The following CREBBP variants were observed in gnomAD, a reference collection of about 807,000 sequenced individuals.
CREBBP encodes CREB binding lysine acetyltransferase.
CREBBP carries 19 observed loss-of-function variants against 265.0 expected under a neutral mutation model. The observed-to-expected ratio is 0.07, with a 90% CI of 0.05 to 0.11. The LOEUF (loss-of-function observed/expected upper bound fraction) is 0.11. CREBBP is among the 10% of genes least tolerant of loss of function. CREBBP has a pLI of 1.00. For missense variants in CREBBP, 2,525 were observed against 3,219.0 expected, an observed-to-expected ratio of 0.78 and a Z score of 5.22; for synonymous variants, 1,457 against 1,223.7, an observed-to-expected ratio of 1.19 and a Z score of -3.98.
At chr16:3,775,760 A>C (rs2053123005) in intron 11 of CREBBP, among the ~76,000 whole-genome samples, 1 of 152,216 alleles carries the variant, frequency 6.6e-6, no homozygotes, top group Non-Finnish European at 1.5e-5. Context: ...TAAGTGCATA[A>C]CTAGAAAACA....
At chr16:3,761,247 C>A (rs1228137985) in intron 16 of CREBBP, among the ~76,000 whole-genome samples, 1 of 152,138 alleles carries the variant, frequency 6.6e-6, no homozygotes, top group Non-Finnish European at 1.5e-5. Flanking sequence ...GTGTGAGCCA[C>A]CATGCCCGGC....
chr16:3,758,434 GACAAATATAAAC>G (rs2151384939), intron 17 of CREBBP, among the ~76,000 whole-genome samples: 1 of 152,254 alleles, frequency 6.6e-6, no homozygotes, highest in East Asian at 1.9e-4. Flanking sequence ...GAAATTACAA[GACAAATATAAAC>G]ACAAAGCTAG....
intron 3 of CREBBP, among the ~76,000 whole-genome samples, chr16:3,807,927 G>C (rs1345418279): frequency 6.6e-6 from 1 of 152,144 alleles, no homozygotes; most frequent in African/African-American, 2.4e-5. Context: ...GTGCCCTCCA[G>C]GGTCAGTGGT....
chr16:3,858,596 C>T (rs145624285), intron 1 of CREBBP, among the ~76,000 whole-genome samples: 2 of 152,288 alleles, frequency 1.3e-5, no homozygotes, highest in East Asian at 3.9e-4. Flanking sequence ...ACTCAATAAA[C>T]CCACGTGCTG....
chr16:3,859,781 T>C (rs1329246668), intron 1 of CREBBP, among the ~76,000 whole-genome samples: 2 of 152,056 alleles, frequency 1.3e-5, no homozygotes, highest in Admixed American at 6.6e-5. Context: ...TCCTGAAGAG[T>C]GGCACACCTG....
intron 16 of CREBBP, among the ~76,000 whole-genome samples, chr16:3,761,824 C>G (rs1330519935): frequency 6.6e-6 from 1 of 152,226 alleles, no homozygotes; most frequent in Non-Finnish European, 1.5e-5. Context: ...ACAGACGAAG[C>G]AGCATTTGCT....
rs1319768263 is a variant in CREBBP, at chr16:3,727,642, A to G, written c.*76T>C. The G allele has an allele frequency of 5.0e-6, 8 of 1,612,602 alleles. No homozygotes were observed. Among genetic ancestry groups the G allele is most frequent in the Non-Finnish European group, 5.1e-6 (6 of 1,179,696 alleles). ...AAGTCGCAGTTCCATCTAGGAATAA[A>G]AAGAACCTAGATGCCTGGATTTTCA... is the stretch of plus-strand genomic sequence containing the variant. On this transcript the variant is annotated 3_prime_UTR_variant, in exon 31 of 31. Coordinates refer to ENST00000262367, the MANE Select transcript of CREBBP (RefSeq NM_004380.3).
rs758196964 is a variant in CREBBP, at chr16:3,751,713, G to A, written c.3779+13C>T. ...CTCCCTCACCCCAGAGAAAATGACAGGACGGTACTTACGTCTGGGGCTGTG... is the reference window on the plus strand; with the variant it reads ...CTCCCTCACCCCAGAGAAAATGACAAGACGGTACTTACGTCTGGGGCTGTG... On this transcript the variant is annotated intron_variant, in intron 20 of 30. Transcript: ENST00000262367. 1.2e-6 allele frequency: 2 copies of A among 1,613,736 alleles called. No individual in the cohort carries two copies. The highest frequency in any genetic ancestry group is 1.7e-6 in the Non-Finnish European group (2 of 1,179,614).
intron 2 of CREBBP, among the ~76,000 whole-genome samples, chr16:3,845,097 A>G (rs1157457312): frequency 1.3e-5 from 2 of 152,206 alleles, no homozygotes; most frequent in African/African-American, 2.4e-5. Context: ...AAAAAGTCCT[A>G]AATTTATCTA....
intron 11 of CREBBP, among the ~76,000 whole-genome samples, chr16:3,775,785 C>G (rs2053123430): frequency 6.6e-6 from 1 of 152,234 alleles, no homozygotes; most frequent in African/African-American, 2.4e-5. Flanking sequence ...TTCCAATATT[C>G]TGCTGGTAAA....
In CREBBP at chr16:3,850,350, G is replaced by T. The variant is rs774599450; in HGVS notation, c.745C>A (p.Gln249Lys). The T allele has an allele frequency of 3.7e-6, 6 of 1,614,248 alleles. No homozygotes were observed. Among genetic ancestry groups the T allele is most frequent in the Middle Eastern group, 3.3e-4 (2 of 6,062 alleles). ...TTCAGTCCCGCGTGACCAGTCATTT[G>T]CGGGGAAACCTGCGTTAGGGTCTCA... ...LAETLTQVSP[Q>K]MTGHAGLNTA... Residue 249 changes from glutamine (Q) to lysine (K), a missense_variant, in exon 2 of 31, where the codon CAA (glutamine) becomes AAA (lysine). This residue lies in a region of CREBBP where 356 missense variants were observed against 340.4 expected (regional missense o/e 1.05). Transcript: ENST00000262367.
chr16:3,862,691 C>T (rs1422128626), intron 1 of CREBBP, among the ~76,000 whole-genome samples: 2 of 152,094 alleles, frequency 1.3e-5, no homozygotes, highest in African/African-American at 2.4e-5. Context: ...ACCAAAGTGA[C>T]GCCCTTCCCA....
At chr16:3,837,880 T>C (rs75435146) in intron 2 of CREBBP, among the ~76,000 whole-genome samples, 1 of 152,340 alleles carries the variant, frequency 6.6e-6, no homozygotes, top group African/African-American at 2.4e-5. Context: ...TCTATAGCAG[T>C]GTACAGCAAC....
intron 20 of CREBBP, among the ~76,000 whole-genome samples, chr16:3,750,841 T>C (rs2052456060): frequency 6.6e-6 from 1 of 152,152 alleles, no homozygotes; most frequent in Non-Finnish European, 1.5e-5. Flanking sequence ...GAGGTTTAAG[T>C]GGAGATAAAC....
chr16:3,879,234 GCACACACACACACA>G (rs77377127), intron 1 of CREBBP, among the ~76,000 whole-genome samples: 20 of 150,832 alleles, frequency 1.3e-4, no homozygotes, highest in Non-Finnish European at 2.4e-4. Context: ...ACACACGCGC[GCACACACACACACA>G]CACACACACA....
At chr16:3,736,359 TG>T in intron 27 of CREBBP, 156 bp from the exon 28 acceptor site, 1 of 784,452 alleles carries the variant, frequency 1.3e-6, no homozygotes, top group Non-Finnish European at 2.1e-6. Context: ...CCCCCACACA[TG>T]TGCACCCCCC....
rs771810319 is a variant in CREBBP, at chr16:3,744,978, G to C, written c.3915-17C>G. On this transcript the variant is annotated splice_polypyrimidine_tract_variant and intron_variant, in intron 22 of 30. Coordinates refer to ENST00000262367, the MANE Select transcript of CREBBP (RefSeq NM_004380.3). ...CACACAAAACTGCAAAATAATAGTG[G>C]TATGATGAGACTGTATATAATGATG... The C allele has an allele frequency of 1.9e-6, 3 of 1,575,534 alleles. No homozygotes were observed. Among genetic ancestry groups the C allele is most frequent in the East Asian group, 2.2e-5 (1 of 44,708 alleles).
At chr16:3,735,716 T>A (rs2052038422) in intron 28 of CREBBP, among the ~76,000 whole-genome samples, 1 of 152,174 alleles carries the variant, frequency 6.6e-6, no homozygotes, top group Admixed American at 6.5e-5. Flanking sequence ...GAATAAGGCC[T>A]GGCAACCCTG....
chr16:3,779,297 A>C (rs1034905059), intron 8 of CREBBP, among the ~76,000 whole-genome samples: 1 of 151,966 alleles, frequency 6.6e-6, no homozygotes. Flanking sequence ...CTCAGCCTCT[A>C]AAGTAAGCTG....
Sources: allele counts gnomAD v4.1 joint callset (sites outside exome capture counted in the v4.1 genomes callset), GRCh38; gene constraint gnomAD v4.1.1; regional missense constraint gnomAD v4.1.1; transcripts MANE v1.5; gene names NCBI Gene and HGNC (gene_info 2026-07-23, HGNC 2026-07-21).